RSPO2: variants seen among roughly 807,000 people sequenced by gnomAD.
RSPO2 encodes the protein R-spondin 2, also known as R-spondin-2.
A neutral mutation model predicts 30.9 loss-of-function variants in RSPO2; 14 were observed. That is an observed-to-expected ratio of 0.45 (90% CI 0.30 to 0.71). The LOEUF (loss-of-function observed/expected upper bound fraction) is 0.71, where lower values mean the gene tolerates loss of function less well. Among genes scored for constraint, RSPO2 ranks in the 30% least tolerant of loss-of-function variants. The probability of loss-of-function intolerance (pLI) is 0.08; values close to 1 mark genes in which losing one functional copy is unlikely to be tolerated. For missense variants in RSPO2, 264 were observed against 301.9 expected (o/e 0.87, Z 0.93); for synonymous variants, 107 against 96.4 (o/e 1.11, Z -0.64).
intron 3 of RSPO2, among the ~76,000 whole-genome samples, chr8:107,972,472 A>T (rs918545674): frequency 1.3e-5 from 2 of 152,158 alleles, no homozygotes; most frequent in African/African-American, 2.4e-5. Context: ...GTGTAATAGC[A>T]TAATTCTGTA....
At chr8:107,958,652 A>G (rs573989039) in intron 4 of RSPO2, among the ~76,000 whole-genome samples, 7 of 152,270 alleles carry the variant, frequency 4.6e-5, no homozygotes, top group African/African-American at 1.7e-4. Flanking sequence ...CCAGGTATTA[A>G]GCCCAGCATC....
chr8:107,985,544 A>G (rs1022606188), intron 3 of RSPO2, among the ~76,000 whole-genome samples: 4 of 152,200 alleles, frequency 2.6e-5, no homozygotes, highest in African/African-American at 9.6e-5. Context: ...ATAACGACAA[A>G]TACTCATAGA....
At chr8:107,937,082 GT>G (rs1812743173) in intron 5 of RSPO2, among the ~76,000 whole-genome samples, 1 of 147,634 alleles carries the variant, frequency 6.8e-6, no homozygotes, top group African/African-American at 2.5e-5. Flanking sequence ...GTCTTAAAGT[GT>G]TTTCCCTATT....
At chr8:107,940,554 G>A (rs932680666) in intron 5 of RSPO2, among the ~76,000 whole-genome samples, 6 of 152,134 alleles carry the variant, frequency 3.9e-5, no homozygotes, top group Non-Finnish European at 8.8e-5. Context: ...AAGTCAGATG[G>A]TCTTTTTCTC....
At chr8:107,979,490 C>A (rs554870581) in intron 3 of RSPO2, among the ~76,000 whole-genome samples, 9 of 151,948 alleles carry the variant, frequency 5.9e-5, no homozygotes, top group South Asian at 2.1e-4. Context: ...ATGAGAACAC[C>A]TGGACACAGG....
At chr8:107,953,575 A>G (rs1813322834) in intron 5 of RSPO2, among the ~76,000 whole-genome samples, 1 of 152,206 alleles carries the variant, frequency 6.6e-6, no homozygotes, top group Non-Finnish European at 1.5e-5. Context: ...AAAGTTGGGA[A>G]GTTTAATGTT....
intron 2 of RSPO2, among the ~76,000 whole-genome samples, chr8:108,036,348 A>G (rs1184768308): frequency 6.6e-6 from 1 of 152,232 alleles, no homozygotes; most frequent in Non-Finnish European, 1.5e-5. Flanking sequence ...ATCTGTTTAC[A>G]GCATGGTTTA....
chr8:108,025,291 A>G (rs997530177), intron 2 of RSPO2, among the ~76,000 whole-genome samples: 1 of 152,178 alleles, frequency 6.6e-6, no homozygotes, highest in African/African-American at 2.4e-5. Flanking sequence ...AGGCTAGGGA[A>G]GAGAATGTAA....
intron 2 of RSPO2, among the ~76,000 whole-genome samples, chr8:108,061,698 A>T (rs1057030514): frequency 1.3e-5 from 2 of 151,962 alleles, no homozygotes; most frequent in Non-Finnish European, 2.9e-5. Flanking sequence ...ACAGACATCT[A>T]CAGAACTCGC....
chr8:107,903,187 A>C (rs1811532389), intron 5 of RSPO2, among the ~76,000 whole-genome samples: 1 of 152,286 alleles, frequency 6.6e-6, no homozygotes, highest in Middle Eastern at 3.4e-3. Flanking sequence ...TACTGACTAC[A>C]TTTTAAATTC....
intron 2 of RSPO2, among the ~76,000 whole-genome samples, chr8:108,057,984 T>C (rs1215750481): frequency 2.0e-5 from 3 of 152,172 alleles, no homozygotes; most frequent in African/African-American, 4.8e-5. Flanking sequence ...TCCTGCCTAA[T>C]TGCCCTGGCC....
chr8:108,070,418 G>A (rs13253117), intron 2 of RSPO2, among the ~76,000 whole-genome samples: 33,340 of 149,746 alleles, frequency 0.22, 3,849 homozygotes, highest in East Asian at 0.43. Flanking sequence ...TCAGCCTCCC[G>A]AGTAGCTGGG....
At chr8:108,041,100 A>G (rs1227854642) in intron 2 of RSPO2, among the ~76,000 whole-genome samples, 1 of 151,484 alleles carries the variant, frequency 6.6e-6, no homozygotes, top group Non-Finnish European at 1.5e-5. Context: ...TTGTCTAGAG[A>G]GATTTGAAAG....
chr8:107,909,259 G>GTTGTT (rs778793029), intron 5 of RSPO2, among the ~76,000 whole-genome samples: 1 of 91,598 alleles, frequency 1.1e-5, no homozygotes, highest in South Asian at 3.6e-4. Flanking sequence ...TTTCCCAGTT[G>GTTGTT]TTTTTTTTTT....
intron 5 of RSPO2, among the ~76,000 whole-genome samples, chr8:107,904,296 A>G (rs754329939): frequency 1.3e-3 from 194 of 151,920 alleles, no homozygotes; most frequent in Non-Finnish European, 2.1e-3. Flanking sequence ...CAAGTCATGA[A>G]TTTAACTTTA....
At chr8:107,975,870 A>G (rs1271283669) in intron 3 of RSPO2, among the ~76,000 whole-genome samples, 1 of 152,248 alleles carries the variant, frequency 6.6e-6, no homozygotes, top group African/African-American at 2.4e-5. Flanking sequence ...TTCAGGAGAA[A>G]GCATAAAAGA....
intron 2 of RSPO2, among the ~76,000 whole-genome samples, chr8:108,057,037 C>CA (rs1812270747): frequency 1.1e-5 from 1 of 91,254 alleles, no homozygotes. Flanking sequence ...AGCCTGGCAA[C>CA]AGAGTGAGAC....
intron 5 of RSPO2, among the ~76,000 whole-genome samples, chr8:107,908,817 G>T (rs1045080216): frequency 6.6e-6 from 1 of 152,184 alleles, no homozygotes; most frequent in Non-Finnish European, 1.5e-5. Context: ...TACTGATTTA[G>T]AGAAAAAGCA....
chr8:107,909,093 T>A lies in RSPO2; in HGVS notation c.617-7903A>T, dbSNP rs2130264288. Among the ~76,000 whole-genome samples the A allele has an allele frequency of 2.0e-5, 3 of 152,068 alleles. No individual in the cohort carries two copies. In the South Asian group the frequency reaches 6.3e-4, roughly 32 times the overall value. ...GAAAGACAGCAAATATACTAGGCAATTTGCTAGGCCCTGCTGTAGTCCACT... is the reference window on the plus strand; with the variant it reads ...GAAAGACAGCAAATATACTAGGCAAATTGCTAGGCCCTGCTGTAGTCCACT... On this transcript the variant is annotated intron_variant, in intron 5 of 5. Coordinates refer to ENST00000276659, the MANE Select transcript of RSPO2 (RefSeq NM_178565.5).
Sources: gnomAD v4.1 joint callset for allele counts (sites outside exome capture counted in the v4.1 genomes callset) on GRCh38, gnomAD v4.1.1 for gene constraint, MANE v1.5 for transcripts, NCBI Gene and HGNC (gene_info 2026-07-23, HGNC 2026-07-21) for gene names.